The following ZNF385D variants were observed in gnomAD, a reference collection of about 807,000 sequenced individuals.
ZNF385D encodes zinc finger protein 385D.
In ZNF385D, 15 loss-of-function variants were observed where a neutral mutation model predicts 35.8. That is an observed-to-expected ratio of 0.42 (90% CI 0.28 to 0.64). The LOEUF (loss-of-function observed/expected upper bound fraction) is 0.64, where lower values mean the gene tolerates loss of function less well. Among genes scored for constraint, ZNF385D ranks in the 30% least tolerant of loss-of-function variants. The pLI is 0.23. For synonymous variants in ZNF385D, 212 were observed against 186.8 expected (o/e 1.13, Z -1.10); for missense variants, 474 against 494.6 (o/e 0.96, Z 0.39).
intron 3 of ZNF385D, among the ~76,000 whole-genome samples, chr3:21,848,237 T>C (rs1326265013): frequency 6.6e-6 from 1 of 152,044 alleles, no homozygotes; most frequent in African/African-American, 2.4e-5. Flanking sequence ...ATTTTCTTTA[T>C]TCATTTGTTT....
chr3:21,505,398 T>G (rs954426795), intron 4 of ZNF385D, among the ~76,000 whole-genome samples: 1 of 152,030 alleles, frequency 6.6e-6, no homozygotes, highest in Admixed American at 6.6e-5. Context: ...GGCAATAAGA[T>G]ACAAAATTCT....
chr3:22,105,781 A>C (rs1246296819), intron 3 of ZNF385D, among the ~76,000 whole-genome samples: 3 of 152,152 alleles, frequency 2.0e-5, no homozygotes, highest in African/African-American at 7.2e-5. Flanking sequence ...ACTCAGTCCA[A>C]TTCCAAAGGT....
chr3:21,936,346 C>G (rs987699708), intron 3 of ZNF385D, among the ~76,000 whole-genome samples: 1 of 151,334 alleles, frequency 6.6e-6, no homozygotes, highest in Admixed American at 6.6e-5. Flanking sequence ...TAAAAATTCT[C>G]AAGATTTTTA....
chr3:21,845,532 A>C (rs1369101073), intron 3 of ZNF385D, among the ~76,000 whole-genome samples: 1 of 152,044 alleles, frequency 6.6e-6, no homozygotes, highest in Non-Finnish European at 1.5e-5. Context: ...TATTTTAGAA[A>C]GATAAACTGA....
Position 22,083,854 on chromosome 3 carries a change from G to A in ZNF385D, c.325+84963C>T, listed in dbSNP as rs562544327. Among the ~76,000 whole-genome samples, 278 of 152,302 alleles carry A rather than the reference G, an allele frequency of 1.8e-3. 15 individuals carry two copies. Among genetic ancestry groups the A allele is most frequent in the Non-Finnish European group, 1.6e-3 (110 of 68,026 alleles). Reference sequence around the variant, plus strand: ...AGAGAAAGGTCAGGTTATCCACAAAGGGAAGCCCATCAGACTAACAGCTGA... The same window carrying A: ...AGAGAAAGGTCAGGTTATCCACAAAAGGAAGCCCATCAGACTAACAGCTGA... On this transcript the variant is annotated intron_variant, in intron 3 of 5. Coordinates refer to the ZNF385D transcript ENST00000494108.
At chr3:21,911,243 T>A (rs1487288332) in intron 3 of ZNF385D, among the ~76,000 whole-genome samples, 1 of 151,936 alleles carries the variant, frequency 6.6e-6, no homozygotes, top group Non-Finnish European at 1.5e-5. Context: ...AAATTAAGGT[T>A]TTTATGAGAG....
At chr3:21,901,070 C>A (rs982260376) in intron 3 of ZNF385D, among the ~76,000 whole-genome samples, 1 of 152,210 alleles carries the variant, frequency 6.6e-6, no homozygotes. Flanking sequence ...TAATGAGCAA[C>A]ATTTATTGAG....
intron 3 of ZNF385D, among the ~76,000 whole-genome samples, chr3:21,910,437 C>G (rs1371983779): frequency 6.6e-6 from 1 of 151,894 alleles, no homozygotes; most frequent in Non-Finnish European, 1.5e-5. Flanking sequence ...TTACCTTAAA[C>G]CATTTGAAAT....
At chr3:21,555,120 T>C (rs1046885785) in intron 3 of ZNF385D, among the ~76,000 whole-genome samples, 3 of 152,216 alleles carry the variant, frequency 2.0e-5, no homozygotes, top group Non-Finnish European at 2.9e-5. Flanking sequence ...TCTTTTGACA[T>C]GTTTTCCTCA....
At chr3:22,058,491 A>G (rs879727406) in intron 3 of ZNF385D, among the ~76,000 whole-genome samples, 9 of 152,160 alleles carry the variant, frequency 5.9e-5, no homozygotes, top group Non-Finnish European at 1.2e-4. Context: ...AATGGCTATC[A>G]CACAAAGTGA....
At chr3:22,104,389 T>C (rs1314691061) in intron 3 of ZNF385D, among the ~76,000 whole-genome samples, 1 of 152,160 alleles carries the variant, frequency 6.6e-6, no homozygotes, top group Admixed American at 6.6e-5. Flanking sequence ...TCTTGTCACA[T>C]TGCTCTGCTT....
At chr3:21,932,345 G>C (rs73044596) in intron 3 of ZNF385D, among the ~76,000 whole-genome samples, 27,955 of 151,654 alleles carry the variant, frequency 0.18, 2,767 homozygotes, top group Middle Eastern at 0.23. Context: ...GATTCAAAAC[G>C]CAATTAGTCA....
rs1700819617 is a variant in ZNF385D, at chr3:21,423,039, G to A, written c.954+924C>T. On this transcript the variant is annotated intron_variant, in intron 7 of 7. Coordinates refer to ENST00000281523, the MANE Select transcript of ZNF385D (RefSeq NM_024697.3). ...GGGAATCCACATAAGAAGAGAAGAA[G>A]TCAAACTATCCTTGTTTGCAGACAA... 2.6e-5 allele frequency among the ~76,000 whole-genome samples: 4 copies of A among 151,996 alleles called. No homozygotes were observed. In the South Asian group the frequency reaches 8.3e-4, roughly 31 times the overall value.
rs1297339374 is a variant in ZNF385D, at chr3:21,646,266, CTG to C, written c.165+18618_165+18619del. On this transcript the variant is annotated intron_variant, in intron 2 of 7. Transcript: ENST00000281523. The surrounding 1 kb of genome is among the most constrained non-coding windows in gnomAD (Gnocchi z 4.3). ...TTAAGTAAATGAAGAGGAGAGGAAA[CTG>C]TCATACTTATGGACCTGCTTATTTG... Among the ~76,000 whole-genome samples the C allele has an allele frequency of 3.9e-5, 6 of 152,164 alleles. No individual in the cohort carries two copies.
intron 3 of ZNF385D, among the ~76,000 whole-genome samples, chr3:22,020,505 CG>C (rs988811812): frequency 2.6e-5 from 4 of 151,760 alleles, no homozygotes; most frequent in African/African-American, 9.7e-5. Context: ...GACATAAAAA[CG>C]GCCAACAGGT....
At chr3:21,626,345 A>G (rs1241353033) in intron 2 of ZNF385D, among the ~76,000 whole-genome samples, 3 of 152,134 alleles carry the variant, frequency 2.0e-5, no homozygotes, top group Non-Finnish European at 4.4e-5. Context: ...TGTTATCACA[A>G]TCTTCGCAAA....
At chr3:21,849,529 A>C (rs1696237813) in intron 3 of ZNF385D, 1 of 151,812 alleles carries the variant, frequency 6.6e-6, no homozygotes, top group Middle Eastern at 3.4e-3. Flanking sequence ...TAATTAAAGA[A>C]TATTCTATTC....
intron 2 of ZNF385D, among the ~76,000 whole-genome samples, chr3:22,170,386 A>G (rs568509660): frequency 2.3e-3 from 347 of 152,370 alleles, no homozygotes; most frequent in Admixed American, 3.9e-3. Context: ...CAGTTTGCCA[A>G]TAAAATTTTA....
At position 21,417,157 on chromosome 3, in the gene ZNF385D, G is replaced by A. The variant is rs1227022743; in HGVS notation, c.*4057C>T. The A allele has an allele frequency of 6.6e-6, 1 of 152,114 alleles. No individual in the cohort carries two copies. Among genetic ancestry groups the A allele is most frequent in the African/African-American group, 2.4e-5 (1 of 41,430 alleles). 9.4% of individuals were successfully genotyped at this position (152,114 alleles called of 1,614,324 possible). On this transcript the variant is annotated 3_prime_UTR_variant, in exon 8 of 8. Transcript: ENST00000281523. ...AGAATATTTTTCTGGACATATGCAA[G>A]TATGTGAGTAGCTGCATTGGTCACT...
Sources: allele counts gnomAD v4.1 joint callset (sites outside exome capture counted in the v4.1 genomes callset), GRCh38; gene constraint gnomAD v4.1.1; non-coding constraint Gnocchi (gnomAD v3.1); transcripts MANE v1.5; gene names NCBI Gene and HGNC (gene_info 2026-07-23, HGNC 2026-07-21).